DLC1: variants seen among roughly 807,000 people sequenced by gnomAD.
DLC1 encodes rho GTPase-activating protein 7.
In DLC1, 54 loss-of-function variants were observed where a neutral mutation model predicts 140.3. The observed-to-expected ratio is 0.38, with a 90% CI of 0.31 to 0.48. The LOEUF (loss-of-function observed/expected upper bound fraction) is 0.48, where lower values mean the gene tolerates loss of function less well. Ranked by LOEUF, DLC1 falls within the 20% of genes least tolerant of loss-of-function variation. The pLI is 0.96. For missense variants in DLC1, 2,536 were observed against 1,907.0 expected (o/e 1.33, Z -6.14); for synonymous variants, 986 against 728.1 (o/e 1.35, Z -5.70).
At chr8:13,566,207 C>G (rs755740731) in intron 1 of DLC1, among the ~76,000 whole-genome samples, 9 of 152,006 alleles carry the variant, frequency 5.9e-5, no homozygotes, top group Non-Finnish European at 1.2e-4. Flanking sequence ...GGGTATTAAG[C>G]CCTTCCTGAG....
chr8:13,345,547 CTTTTTTTTTT>C (rs535092622), intron 4 of DLC1, among the ~76,000 whole-genome samples: 65 of 67,520 alleles, frequency 9.6e-4, no homozygotes, highest in African/African-American at 3.9e-3. Flanking sequence ...TTCACTCACA[CTTTTTTTTTT>C]TTTTTTTTTT....
At chr8:13,578,729 A>C (rs1804935664) in intron 1 of DLC1, among the ~76,000 whole-genome samples, 1 of 152,134 alleles carries the variant, frequency 6.6e-6, no homozygotes. Context: ...TGCACAGGGC[A>C]AGGTGTGGGG....
chr8:13,292,098 TTTTTG>T lies in DLC1; in HGVS notation c.1348+13166_1348+13170del, dbSNP rs1414991528. 5.3e-5 allele frequency among the ~76,000 whole-genome samples: 8 copies of T among 152,310 alleles called. No individual in the cohort carries two copies. The South Asian group carries it at 1.2e-3, about 24-fold the overall frequency. ...GTCTTGATATTTGTGATCTGCAGTTTTTTTGTTTTGTTTTGTTTTCTTTTTTTAAA... is the reference window on the plus strand; with the variant it reads ...GTCTTGATATTTGTGATCTGCAGTTTTTTTGTTTTGTTTTCTTTTTTTAAA... On this transcript the variant is annotated intron_variant, in intron 5 of 17. Transcript: ENST00000276297.
chr8:13,094,683 T>C (rs1375427227), intron 12 of DLC1, 76 bp downstream of exon 12: 3 of 1,555,912 alleles, frequency 1.9e-6, no homozygotes, highest in Non-Finnish European at 2.6e-6. Context: ...AAAAGAATGC[T>C]ATCAAGGAAG....
intron 4 of DLC1, among the ~76,000 whole-genome samples, chr8:13,368,203 A>G (rs965746489): frequency 2.0e-5 from 3 of 152,202 alleles, no homozygotes; most frequent in African/African-American, 7.2e-5. Context: ...CCCACTTTAA[A>G]TTGAGAGATT....
intron 1 of DLC1, among the ~76,000 whole-genome samples, chr8:13,534,089 A>G (rs1165940363): frequency 6.6e-6 from 1 of 152,158 alleles, no homozygotes; most frequent in Non-Finnish European, 1.5e-5. Flanking sequence ...TTTATGTCAT[A>G]TTCTTGAATA....
Position 13,321,576 on chromosome 8 carries a change from A to G in DLC1, c.1315-16274T>C, listed in dbSNP as rs893889152. Among the ~76,000 whole-genome samples the G allele has an allele frequency of 4.4e-4, 65 of 147,698 alleles. 1 individual carries two copies. The highest frequency in any genetic ancestry group is 8.2e-4 in the Non-Finnish European group (55 of 67,094). On this transcript the variant is annotated intron_variant, in intron 4 of 17. Transcript: ENST00000276297. The stretch of plus-strand genomic sequence containing the variant: ...AAAAAAAAAAAAAAAAGAAACCTAA[A>G]CAGTTTAGAGCATTTTAGTGGTAAA...
chr8:13,336,990 A>C (rs970778484), intron 4 of DLC1, among the ~76,000 whole-genome samples: 51 of 152,186 alleles, frequency 3.4e-4, no homozygotes, highest in Non-Finnish European at 1.0e-4. Context: ...ATATAAACCA[A>C]GTAAAACAAA....
intron 1 of DLC1, among the ~76,000 whole-genome samples, chr8:13,509,486 G>C (rs1299484018): frequency 1.3e-5 from 2 of 152,082 alleles, no homozygotes; most frequent in African/African-American, 4.8e-5. Flanking sequence ...ATAAATGTTT[G>C]AGCTTATTTT....
At chr8:13,257,543 A>G (rs1005960902) in intron 5 of DLC1, among the ~76,000 whole-genome samples, 1 of 151,946 alleles carries the variant, frequency 6.6e-6, no homozygotes, top group Non-Finnish European at 1.5e-5. Flanking sequence ...AATCTATTTT[A>G]TACGTGTCAG....
chr8:13,273,767 G>C (rs1041796464), intron 5 of DLC1, among the ~76,000 whole-genome samples: 2 of 145,680 alleles, frequency 1.4e-5, no homozygotes, highest in African/African-American at 2.6e-5. Context: ...AGGGAGGGAG[G>C]GAGCAAGAGA....
At chr8:13,491,913 T>G (rs969150991) in intron 2 of DLC1, among the ~76,000 whole-genome samples, 2 of 152,198 alleles carry the variant, frequency 1.3e-5, no homozygotes, top group African/African-American at 4.8e-5. Context: ...CTAGCATTTA[T>G]GAACAGGTTC....
chr8:13,296,906 C>T (rs972371335), intron 5 of DLC1, among the ~76,000 whole-genome samples: 2 of 151,882 alleles, frequency 1.3e-5, no homozygotes, highest in African/African-American at 2.4e-5. Flanking sequence ...TTGTCATCTA[C>T]GTGTGTTGCT....
chr8:13,126,083 C>A (rs1266599247), intron 5 of DLC1, among the ~76,000 whole-genome samples: 1 of 152,102 alleles, frequency 6.6e-6, no homozygotes, highest in Non-Finnish European at 1.5e-5. Context: ...AATATGTGCT[C>A]TTCCCTGGCA....
chr8:13,428,652 G>A (rs537431817), intron 2 of DLC1, among the ~76,000 whole-genome samples: 3 of 152,046 alleles, frequency 2.0e-5, no homozygotes, highest in Middle Eastern at 3.4e-3. Context: ...GATATGCCTC[G>A]GGAGATTGTA....
chr8:13,226,728 G>A (rs1366535948), intron 5 of DLC1, among the ~76,000 whole-genome samples: 1 of 152,154 alleles, frequency 6.6e-6, no homozygotes, highest in African/African-American at 2.4e-5. Context: ...ATCTTTCTCT[G>A]TATAGGAATT....
intron 4 of DLC1, among the ~76,000 whole-genome samples, chr8:13,320,101 A>G (rs926239932): frequency 6.6e-6 from 1 of 152,114 alleles, no homozygotes; most frequent in East Asian, 1.9e-4. Context: ...GTGGGCCACC[A>G]TGCCTGGCCC....
chr8:13,382,171 G>A (rs1174121448), intron 4 of DLC1, among the ~76,000 whole-genome samples: 2 of 152,078 alleles, frequency 1.3e-5, no homozygotes, highest in Non-Finnish European at 2.9e-5. Context: ...AGATTTCCAG[G>A]CTTGGTTAAA....
intron 4 of DLC1, among the ~76,000 whole-genome samples, chr8:13,390,962 G>A (rs1241657686): frequency 3.5e-5 from 5 of 144,246 alleles, no homozygotes; most frequent in Non-Finnish European, 3.0e-5. Flanking sequence ...TCCAGCCTGG[G>A]CGACAGAGCG....
Sources: gnomAD v4.1 joint callset for allele counts (sites outside exome capture counted in the v4.1 genomes callset) on GRCh38, gnomAD v4.1.1 for gene constraint, MANE v1.5 for transcripts, NCBI Gene and HGNC (gene_info 2026-07-23, HGNC 2026-07-21) for gene names.